SMARCC1: variants seen among roughly 807,000 people sequenced by gnomAD.
SMARCC1 encodes SWI/SNF complex subunit SMARCC1.
A neutral mutation model predicts 147.4 loss-of-function variants in SMARCC1; 43 were observed. The ratio of observed to expected loss-of-function variants is 0.29; its 90% CI spans 0.23 to 0.38. The LOEUF (loss-of-function observed/expected upper bound fraction) is 0.38. Among genes scored for constraint, SMARCC1 ranks in the 10% least tolerant of loss-of-function variants. The pLI is 1.00. For missense variants in SMARCC1, 1,119 were observed against 1,381.1 expected, an observed-to-expected ratio of 0.81 and a Z score of 3.01; for synonymous variants, 495 against 484.4, an observed-to-expected ratio of 1.02 and a Z score of -0.29.
chr3:47,658,442 C>T (rs781513019), intron 21 of SMARCC1, among the ~76,000 whole-genome samples: 5 of 152,196 alleles, frequency 3.3e-5, no homozygotes, highest in Admixed American at 6.5e-5. Flanking sequence ...TCCTCCATTC[C>T]GCTTATGCAG....
intron 2 of SMARCC1, among the ~76,000 whole-genome samples, chr3:47,755,089 T>G (rs2034679613): frequency 6.6e-6 from 1 of 151,640 alleles, no homozygotes; most frequent in Non-Finnish European, 1.5e-5. Flanking sequence ...TGCACGTCTG[T>G]AATCCCAGCT....
In SMARCC1 at chr3:47,720,675, TA is replaced by T; in HGVS notation, c.706del (p.Tyr236ThrfsTer32). The T allele has an allele frequency of 6.2e-7, 1 of 1,607,312 alleles. No individual in the cohort carries two copies. The highest frequency in any genetic ancestry group is 1.7e-5 in the Admixed American group (1 of 59,902). ...EKQVLVHWGFYPDSYDTWVHS... is the reference protein window; with the variant it reads ...EKQVLVHWGFXPDSYDTWVHS... ...AGCATATGAACATTACCTGTCTGGG[TA>T]AAAGCCCCAATGCACTAACACTTGC... On this transcript the variant is annotated frameshift_variant, in exon 7 of 28. Transcript: ENST00000254480. LOFTEE classifies it high-confidence loss of function.
At chr3:47,625,732 GA>G (rs2032800692) in intron 24 of SMARCC1, among the ~76,000 whole-genome samples, 1 of 151,944 alleles carries the variant, frequency 6.6e-6, no homozygotes, top group South Asian at 2.1e-4. Context: ...ATTCTTAGAA[GA>G]AAAAACAAAG....
At chr3:47,638,325 C>G (rs1042380611) in intron 22 of SMARCC1, among the ~76,000 whole-genome samples, 1 of 152,122 alleles carries the variant, frequency 6.6e-6, no homozygotes, top group Non-Finnish European at 1.5e-5. Context: ...GATCTCTTGG[C>G]CTTGTAATCC....
chr3:47,674,675 G>A (rs867764188), intron 18 of SMARCC1, among the ~76,000 whole-genome samples: 1 of 152,098 alleles, frequency 6.6e-6, no homozygotes, highest in Non-Finnish European at 1.5e-5. Context: ...GTAGAGGCAA[G>A]GCTGCTCTTG....
chr3:47,744,454 T>A (rs2034544478), intron 3 of SMARCC1, among the ~76,000 whole-genome samples: 1 of 152,172 alleles, frequency 6.6e-6, no homozygotes, highest in East Asian at 1.9e-4. Flanking sequence ...TAAGTTTGTA[T>A]CTCCTACTAT....
intron 5 of SMARCC1, 108 bp from the exon 6 acceptor site, chr3:47,729,202 G>A: frequency 3.0e-6 from 2 of 670,604 alleles, no homozygotes; most frequent in African/African-American, 1.8e-5. Flanking sequence ...TTTACTTATA[G>A]ACTTTATATA....
intron 5 of SMARCC1, among the ~76,000 whole-genome samples, chr3:47,730,223 C>T (rs1435489725): frequency 6.6e-6 from 1 of 152,170 alleles, no homozygotes; most frequent in African/African-American, 2.4e-5. Flanking sequence ...TGCAGCTGCT[C>T]ACACCTGTAA....
chr3:47,644,951 G>A (rs2033098599), intron 21 of SMARCC1, among the ~76,000 whole-genome samples: 1 of 152,016 alleles, frequency 6.6e-6, no homozygotes, highest in African/African-American at 2.4e-5. Flanking sequence ...CGGCAAGGTG[G>A]GGGGAGTCAA....
chr3:47,720,875 GAA>G, intron 6 of SMARCC1, 140 bp from the exon 7 acceptor site: 1 of 691,404 alleles, frequency 1.4e-6, no homozygotes, highest in Non-Finnish European at 2.5e-6. Context: ...GGTTTGGAAA[GAA>G]AAAGTTTTCA....
chr3:47,638,442 C>T (rs112905448), intron 22 of SMARCC1, among the ~76,000 whole-genome samples: 21 of 152,158 alleles, frequency 1.4e-4, no homozygotes, highest in Non-Finnish European at 5.9e-5. Flanking sequence ...TTCATATTCC[C>T]TCTTCTTTTG....
intron 27 of SMARCC1, among the ~76,000 whole-genome samples, chr3:47,588,633 T>C (rs1177412454): frequency 6.6e-6 from 1 of 152,082 alleles, no homozygotes; most frequent in African/African-American, 2.4e-5. Flanking sequence ...TTTCAAGGGT[T>C]CTAATTTTAT....
chr3:47,725,742 G>C (rs925735530), intron 6 of SMARCC1, among the ~76,000 whole-genome samples: 1 of 151,844 alleles, frequency 6.6e-6, no homozygotes. Flanking sequence ...ATGAGCCATC[G>C]GGCCCAGCCC....
chr3:47,695,433 A>G (rs77278768), intron 11 of SMARCC1, among the ~76,000 whole-genome samples: 2,549 of 152,286 alleles, frequency 0.017, 84 homozygotes, highest in African/African-American at 0.058. Flanking sequence ...CCTGTTTTCT[A>G]CTTCACCCTC....
intron 1 of SMARCC1, among the ~76,000 whole-genome samples, chr3:47,779,035 G>C (rs977258232): frequency 1.4e-5 from 2 of 147,440 alleles, no homozygotes; most frequent in Non-Finnish European, 3.0e-5. Flanking sequence ...TCTTCCATTT[G>C]AAAAAGAAGG....
At chr3:47,726,668 C>T (rs1314748212) in intron 6 of SMARCC1, among the ~76,000 whole-genome samples, 2 of 152,182 alleles carry the variant, frequency 1.3e-5, no homozygotes, top group Non-Finnish European at 2.9e-5. Flanking sequence ...GAAATTCTAG[C>T]ACATGCTGTA....
intron 21 of SMARCC1, among the ~76,000 whole-genome samples, chr3:47,646,112 G>A (rs2106716061): frequency 6.6e-6 from 1 of 152,174 alleles, no homozygotes; most frequent in Admixed American, 6.5e-5. Context: ...TTGAGCCCAG[G>A]AGTTCAAGAA....
intron 24 of SMARCC1, among the ~76,000 whole-genome samples, chr3:47,623,920 G>T (rs1046953267): frequency 4.7e-5 from 7 of 150,412 alleles, no homozygotes; most frequent in African/African-American, 9.8e-5. Flanking sequence ...GGAACTTGGT[G>T]GGGGGAGCGG....
chr3:47,603,529 C>T (rs1361880337), intron 26 of SMARCC1: 1 of 157,194 alleles, frequency 6.4e-6, no homozygotes, highest in Non-Finnish European at 1.4e-5. Context: ...CCATTCTCCT[C>T]TGTGGTTCCC....
Sources: allele counts gnomAD v4.1 joint callset (sites outside exome capture counted in the v4.1 genomes callset), GRCh38; gene constraint gnomAD v4.1.1; transcripts MANE v1.5; gene names NCBI Gene and HGNC (gene_info 2026-07-23, HGNC 2026-07-21).